Variants in ZBBX observed in about 807,000 individuals in gnomAD.
The protein encoded by ZBBX is zinc finger B-box domain-containing protein 1.
In ZBBX, 101 loss-of-function variants were observed where a neutral mutation model predicts 108.5. The ratio of observed to expected loss-of-function variants is 0.93; its 90% CI spans 0.79 to 1.10. The LOEUF (loss-of-function observed/expected upper bound fraction) is 1.10, where lower values mean the gene tolerates loss of function less well. Among genes scored for constraint, ZBBX ranks in the 50% least tolerant of loss-of-function variants. The pLI is 0.00. For synonymous variants in ZBBX, 356 were observed against 323.4 expected, an observed-to-expected ratio of 1.10 and a Z score of -1.08; for missense variants, 1,009 against 941.4, an observed-to-expected ratio of 1.07 and a Z score of -0.94.
Position 167,345,606 on chromosome 3 carries a change from C to T in ZBBX, c.528+4814G>A, listed in dbSNP as rs181775332. Among the ~76,000 whole-genome samples the T allele has an allele frequency of 2.6e-3, 391 of 151,930 alleles. 1 individual carries two copies. The highest frequency in any genetic ancestry group is 3.4e-3 in the Non-Finnish European group (228 of 67,838). On this transcript the variant is annotated intron_variant, in intron 9 of 21. Transcript: ENST00000675490. ...TTACTTGTCATCCACATATTTCAAT[C>T]TTATTGGTAACTCTGAGAGAAGGAA... is the stretch of plus-strand genomic sequence containing the variant.
At chr3:167,300,530 T>G (rs1002308428) in intron 17 of ZBBX, among the ~76,000 whole-genome samples, 1 of 152,022 alleles carries the variant, frequency 6.6e-6, no homozygotes, top group African/African-American at 2.4e-5. Flanking sequence ...TATTTTATAC[T>G]GAGCAATGGA....
At chr3:167,405,424 G>C (rs905354680) in intron 1 of ZBBX, among the ~76,000 whole-genome samples, 1 of 152,126 alleles carries the variant, frequency 6.6e-6, no homozygotes, top group Non-Finnish European at 1.5e-5. Flanking sequence ...AAACCAAAGA[G>C]AGATAGGAAT....
chr3:167,197,039 G>A, the ZBBX span, among the ~76,000 whole-genome samples: 88,667 of 151,844 alleles, frequency 0.58, 26,091 homozygotes, highest in East Asian at 0.82. Context: ...ATTGACATAC[G>A]GTATATGAGC....
rs181129426 is a variant in ZBBX at position 167,296,594 on chromosome 3, G to C, written c.1879+1711C>G. ...TCTATATGCTAACAATGAACAATCG[G>C]AAAAGGAAATTAAAGAAACAATTCC... On this transcript the variant is annotated intron_variant, in intron 18 of 21. Transcript: ENST00000675490. Among the ~76,000 whole-genome samples the C allele has an allele frequency of 1.1e-4, 16 of 151,950 alleles. 1 individual carries two copies. The highest frequency in any genetic ancestry group is 7.9e-4 in the Admixed American group (12 of 15,238).
At chr3:167,235,748 G>A (rs950350194), downstream of ZBBX, among the ~76,000 whole-genome samples, 4 of 151,540 alleles carry the variant, frequency 2.6e-5, no homozygotes, top group African/African-American at 9.7e-5. Context: ...AACTATAGTA[G>A]ACATTTGCAT....
Position 167,330,871 on chromosome 3 carries a change from G to GAAGAAGAAGAAGAAGGAGA in ZBBX, c.688-2756_688-2755insTCTCCTTCTTCTTCTTCTT, listed in dbSNP as rs1553820669. On this transcript the variant is annotated intron_variant, in intron 10 of 21. Transcript: ENST00000675490. The stretch of plus-strand genomic sequence containing the variant: ...GGAGGAGGAGGAGGAGGAGGAGGAG[G>GAAGAAGAAGAAGAAGGAGA]AGAAGAAGAAGAAGAAGAAGAAGAA... 4.6e-5 allele frequency among the ~76,000 whole-genome samples: 2 copies of GAAGAAGAAGAAGAAGGAGA among 43,916 alleles called. 1 individual carries two copies. Among genetic ancestry groups the GAAGAAGAAGAAGAAGGAGA allele is most frequent in the Non-Finnish European group, 9.0e-5 (2 of 22,200 alleles). 28.8% of individuals were successfully genotyped at this position (43,916 alleles called of 152,430 possible). A position where few individuals can be genotyped will look rare whatever the true frequency, so the allele number is the denominator to read the frequency against.
upstream of ZBBX, among the ~76,000 whole-genome samples, chr3:167,384,019 A>G (rs2108633799): frequency 6.6e-6 from 1 of 152,246 alleles, no homozygotes; most frequent in African/African-American, 2.4e-5. Flanking sequence ...CACATTAAAA[A>G]GCACTTTGAA....
intron 8 of ZBBX, among the ~76,000 whole-genome samples, chr3:167,352,239 C>T (rs1242071675): frequency 6.6e-6 from 1 of 151,926 alleles, no homozygotes; most frequent in Non-Finnish European, 1.5e-5. Context: ...TGATCGACCA[C>T]TAGCTAGATT....
At chr3:167,309,818 T>A (rs2108256046) in intron 16 of ZBBX, among the ~76,000 whole-genome samples, 1 of 152,370 alleles carries the variant, frequency 6.6e-6, no homozygotes, top group African/African-American at 2.4e-5. Flanking sequence ...AGTTGGTTCC[T>A]CTTTATTTAT....
chr3:167,257,832 C>T (rs1723792764), intron 20 of ZBBX, among the ~76,000 whole-genome samples: 1 of 151,318 alleles, frequency 6.6e-6, no homozygotes, highest in South Asian at 2.1e-4. Context: ...GTCCTTAGCA[C>T]ACTTTTTGAA....
At chr3:167,405,903 C>T (rs945592034) in intron 1 of ZBBX, among the ~76,000 whole-genome samples, 6 of 152,108 alleles carry the variant, frequency 3.9e-5, no homozygotes, top group African/African-American at 1.4e-4. Flanking sequence ...AACCCCGTCT[C>T]TACTAAAAAT....
At chr3:167,332,651 C>T (rs1738851016) in intron 10 of ZBBX, among the ~76,000 whole-genome samples, 1 of 152,122 alleles carries the variant, frequency 6.6e-6, no homozygotes, top group Non-Finnish European at 1.5e-5. Flanking sequence ...AAGCATTAAG[C>T]ACAATGCCTA....
chr3:167,295,748 TATATATATATAAAA>T (rs1255094885), intron 18 of ZBBX, among the ~76,000 whole-genome samples: 2,354 of 16,496 alleles, frequency 0.14, 377 homozygotes, highest in African/African-American at 0.36. Flanking sequence ...TATATATATA[TATATATATATAAAA>T]AAAACTAGTA....
chr3:167,312,529 G>T (rs909208676), intron 16 of ZBBX, among the ~76,000 whole-genome samples: 1 of 152,174 alleles, frequency 6.6e-6, no homozygotes, highest in Non-Finnish European at 1.5e-5. Flanking sequence ...CTATGTATGT[G>T]TATAGAGCAA....
At chr3:167,206,720 C>T in the ZBBX span, among the ~76,000 whole-genome samples, 1 of 152,046 alleles carries the variant, frequency 6.6e-6, no homozygotes, top group Non-Finnish European at 1.5e-5. Flanking sequence ...GGAGGCATCA[C>T]ATTTTCTGAT....
the ZBBX span, among the ~76,000 whole-genome samples, chr3:167,229,624 C>T: frequency 6.6e-6 from 1 of 151,810 alleles, no homozygotes; most frequent in African/African-American, 2.4e-5. Flanking sequence ...AGAAAGGCCC[C>T]ATGCTGGCTT....
In ZBBX at chr3:167,282,479, T is replaced by C. The variant is rs748438155; in HGVS notation, c.2013A>G (p.Arg671=). 7.5e-6 allele frequency: 12 copies of C among 1,604,242 alleles called. No individual in the cohort carries two copies. Among genetic ancestry groups the C allele is most frequent in the Middle Eastern group, 3.3e-4 (2 of 6,002 alleles). The part of the protein sequence containing the change: ...KQQKMGQKSQ[R]PSTANFPLSN... The stretch of plus-strand genomic sequence containing the variant: ...AAAGTGGAAAATTTGCTGTTGAAGG[T>C]CTCTGTGATTTCTGACCTAAAATTA... Residue 671 remains arginine, a synonymous_variant, in exon 20 of 22, where the codon AGA becomes AGG. Coordinates refer to ENST00000675490, the MANE Select transcript of ZBBX (RefSeq NM_001199201.2).
intron 18 of ZBBX, among the ~76,000 whole-genome samples, chr3:167,298,057 C>T (rs1207260522): frequency 6.6e-6 from 1 of 151,954 alleles, no homozygotes; most frequent in African/African-American, 2.4e-5. Context: ...TTGGTTATTC[C>T]TTTACAGCAA....
At position 167,242,488 on chromosome 3, in the gene ZBBX, C is replaced by T. The variant is rs1323274931; in HGVS notation, c.2393+17G>A. The T allele has an allele frequency of 6.3e-7, 1 of 1,583,744 alleles. No homozygotes were observed. Among genetic ancestry groups the T allele is most frequent in the Non-Finnish European group, 8.5e-7 (1 of 1,169,750 alleles). ...ACTACATACTATATTAATAAATAAACTGCAGGCTTAACTTACCTCAATTCC... is the reference window on the plus strand; with the variant it reads ...ACTACATACTATATTAATAAATAAATTGCAGGCTTAACTTACCTCAATTCC... On this transcript the variant is annotated intron_variant, in intron 21 of 21. Coordinates refer to ENST00000675490, the MANE Select transcript of ZBBX (RefSeq NM_001199201.2).
Sources: gnomAD v4.1 joint callset for allele counts (sites outside exome capture counted in the v4.1 genomes callset) on GRCh38, gnomAD v4.1.1 for gene constraint, MANE v1.5 for transcripts, NCBI Gene and HGNC (gene_info 2026-07-23, HGNC 2026-07-21) for gene names.